BCHE: variants seen among roughly 807,000 people sequenced by gnomAD.
BCHE encodes cholinesterase.
In BCHE, 48 loss-of-function variants were observed where a neutral mutation model predicts 51.3. The ratio of observed to expected loss-of-function variants is 0.94; its 90% CI spans 0.74 to 1.19. The LOEUF (loss-of-function observed/expected upper bound fraction) is 1.19, where lower values mean the gene tolerates loss of function less well. Among genes scored for constraint, BCHE ranks in the 50% most tolerant of loss-of-function variants. The probability of loss-of-function intolerance (pLI) is 0.00; values close to 1 mark genes in which losing one functional copy is unlikely to be tolerated. For missense variants in BCHE, 847 were observed against 708.2 expected (o/e 1.20, Z -2.23); for synonymous variants, 251 against 238.0 (o/e 1.05, Z -0.50).
chr3:165,833,040 T>G (rs1229979813), intron 1 of BCHE, among the ~76,000 whole-genome samples: 1 of 152,084 alleles, frequency 6.6e-6, no homozygotes, highest in Non-Finnish European at 1.5e-5. Flanking sequence ...CTAACAATAT[T>G]CATATGTATA....
At chr3:165,814,883 T>A (rs1714245148) in intron 2 of BCHE, among the ~76,000 whole-genome samples, 1 of 150,792 alleles carries the variant, frequency 6.6e-6, no homozygotes, top group African/African-American at 2.4e-5. Flanking sequence ...GGGTCATATT[T>A]ATACTAATAT....
intron 2 of BCHE, among the ~76,000 whole-genome samples, chr3:165,802,870 T>C (rs1392733898): frequency 1.3e-5 from 2 of 151,920 alleles, no homozygotes; most frequent in Non-Finnish European, 2.9e-5. Context: ...CCCTCCTGAG[T>C]AGCTGGGACT....
intron 1 of BCHE, among the ~76,000 whole-genome samples, chr3:165,831,426 G>A (rs372899698): frequency 1.3e-5 from 2 of 152,214 alleles, no homozygotes; most frequent in East Asian, 3.9e-4. Flanking sequence ...TTCTGCCTTG[G>A]TAAGAGGAGA....
At chr3:165,779,444 G>A (rs1388094792) in intron 3 of BCHE, among the ~76,000 whole-genome samples, 1 of 151,896 alleles carries the variant, frequency 6.6e-6, no homozygotes, top group Admixed American at 6.6e-5. Flanking sequence ...GAGAAAGAAA[G>A]GGTATTCAAA....
Position 165,830,242 on chromosome 3 carries a change from A to G in BCHE, c.792T>C (p.Leu264=). 1 of 1,613,974 alleles carries G rather than the reference A, an allele frequency of 6.2e-7. No individual in the cohort carries two copies. ...TCAACGTTCTGTTCCTAGCTTCATA[A>G]AGAGATGTTACCGCCCAAGGAGCAT... The part of the protein sequence containing the change: ...SFNAPWAVTS[L]YEARNRTLNL... Residue 264 remains leucine, a synonymous_variant, in exon 2 of 4, where the codon CTT becomes CTC. Transcript: ENST00000264381.
At chr3:165,804,842 A>C (rs771778071) in intron 2 of BCHE, among the ~76,000 whole-genome samples, 21 of 152,348 alleles carry the variant, frequency 1.4e-4, no homozygotes, top group African/African-American at 5.0e-4. Flanking sequence ...GTTTATATCC[A>C]GACACATTAA....
chr3:165,797,103 T>C (rs1713410458), intron 2 of BCHE, among the ~76,000 whole-genome samples: 1 of 151,310 alleles, frequency 6.6e-6, no homozygotes, highest in Admixed American at 6.6e-5. Flanking sequence ...AAACTTTTTC[T>C]TTCCCTTCCT....
In BCHE at chr3:165,830,074, C is replaced by G; in HGVS notation, c.960G>C (p.Pro320=). 6.2e-7 allele frequency: 1 copy of G among 1,613,536 alleles called. No individual in the cohort carries two copies. The highest frequency in any genetic ancestry group is 8.5e-7 in the Non-Finnish European group (1 of 1,179,790). The stretch of plus-strand genomic sequence containing the variant: ...CAGTGAGAAAATCACCATCCACGGT[C>G]GGACCAAAGTTTACTGACAAAGGAG... ...YGTPLSVNFG[P]TVDGDFLTDM... The change falls in exon 2 of 4, where the codon CCG becomes CCC. Residue 320 remains proline (P), a synonymous_variant. Transcript: ENST00000264381.
At chr3:165,777,337 G>C (rs566202490) in intron 3 of BCHE, among the ~76,000 whole-genome samples, 1 of 147,486 alleles carries the variant, frequency 6.8e-6, no homozygotes, top group Admixed American at 6.7e-5. Context: ...TTTTGCCAAA[G>C]AAAAATAATG....
At chr3:165,806,803 T>G (rs1475218607) in intron 2 of BCHE, among the ~76,000 whole-genome samples, 1 of 152,144 alleles carries the variant, frequency 6.6e-6, no homozygotes, top group Non-Finnish European at 1.5e-5. Flanking sequence ...ATTATTCTAA[T>G]TGTTTAATGG....
At chr3:165,790,873 G>T (rs1713138009) in intron 2 of BCHE, among the ~76,000 whole-genome samples, 1 of 152,094 alleles carries the variant, frequency 6.6e-6, no homozygotes, top group Non-Finnish European at 1.5e-5. Context: ...AGGGAGCAAG[G>T]GAATGAGTGT....
chr3:165,799,487 AATTTT>A (rs1713557229), intron 2 of BCHE, among the ~76,000 whole-genome samples: 1 of 152,150 alleles, frequency 6.6e-6, no homozygotes, highest in Non-Finnish European at 1.5e-5. Flanking sequence ...ATGTGTATTT[AATTTT>A]ATTTGTATAT....
At chr3:165,781,082 A>G (rs1712680953) in intron 3 of BCHE, among the ~76,000 whole-genome samples, 1 of 152,046 alleles carries the variant, frequency 6.6e-6, no homozygotes, top group South Asian at 2.1e-4. Flanking sequence ...TCTATACTAA[A>G]AATACAAAAT....
At chr3:165,804,576 AG>A (rs1415248096) in intron 2 of BCHE, among the ~76,000 whole-genome samples, 1 of 152,158 alleles carries the variant, frequency 6.6e-6, no homozygotes, top group African/African-American at 2.4e-5. Context: ...GGACTTGGCC[AG>A]GGTTTTTGAT....
intron 2 of BCHE, among the ~76,000 whole-genome samples, chr3:165,804,334 G>T (rs1713789405): frequency 6.6e-6 from 1 of 152,062 alleles, no homozygotes; most frequent in African/African-American, 2.4e-5. Context: ...AAATGGGAAA[G>T]TAGCTATTAA....
chr3:165,802,445 G>C (rs2108214960), intron 2 of BCHE, among the ~76,000 whole-genome samples: 1 of 152,266 alleles, frequency 6.6e-6, no homozygotes, highest in South Asian at 2.1e-4. Context: ...ATAAACTGGA[G>C]AGAAAAGAGT....
intron 3 of BCHE, chr3:165,778,605 T>G (rs1308443498): frequency 9.4e-6 from 4 of 424,086 alleles, no homozygotes; most frequent in Non-Finnish European, 2.0e-5. Context: ...TGCAGGTATC[T>G]TCTCTTCTTA....
In BCHE at chr3:165,834,367, ACAAT is replaced by A. The variant is rs781636927; in HGVS notation, c.-9+2943_-9+2946del. ...CAACTTGCAAATAATGTAATTGGTA[ACAAT>A]CAAAGCAATTCTTGTAAGCATGCAT... is the stretch of plus-strand genomic sequence containing the variant. On this transcript the variant is annotated intron_variant, in intron 1 of 3. Coordinates refer to ENST00000264381, the MANE Select transcript of BCHE (RefSeq NM_000055.4). 6.6e-5 allele frequency among the ~76,000 whole-genome samples: 10 copies of A among 152,052 alleles called. No homozygotes were observed. The East Asian group carries it at 9.6e-4, about 15-fold the overall frequency.
chr3:165,807,803 G>A (rs946116264), intron 2 of BCHE, among the ~76,000 whole-genome samples: 1 of 151,660 alleles, frequency 6.6e-6, no homozygotes, highest in Non-Finnish European at 1.5e-5. Flanking sequence ...ACCTCAAGTG[G>A]CCCACCGAAC....
Sources: allele counts gnomAD v4.1 joint callset (sites outside exome capture counted in the v4.1 genomes callset), GRCh38; gene constraint gnomAD v4.1.1; transcripts MANE v1.5; gene names NCBI Gene and HGNC (gene_info 2026-07-23, HGNC 2026-07-21).